The following WAC variants were observed in gnomAD, a reference collection of about 807,000 sequenced individuals.
WAC encodes WW domain-containing adapter protein with coiled-coil.
Under a neutral mutation model 79.6 loss-of-function variants are expected in WAC, and 11 were observed. The observed-to-expected ratio is 0.14, with a 90% CI of 0.09 to 0.23. The LOEUF is 0.23. WAC is among the 10% of genes least tolerant of loss of function. The pLI is 1.00. For missense variants in WAC, 728 were observed against 773.5 expected (o/e 0.94, Z 0.70); for synonymous variants, 304 against 276.9 (o/e 1.10, Z -0.97).
At chr10:28,581,238 CTTTTTTT>C (rs71391053) in intron 3 of WAC, among the ~76,000 whole-genome samples, 36,773 of 66,118 alleles carry the variant, frequency 0.56, 8,434 homozygotes, top group Admixed American at 0.68. Flanking sequence ...ATGAGCGATT[CTTTTTTT>C]TTTTTTTTTT....
chr10:28,541,243 T>G (rs1278699382), intron 3 of WAC, among the ~76,000 whole-genome samples: 1 of 152,104 alleles, frequency 6.6e-6, no homozygotes, highest in African/African-American at 2.4e-5. Context: ...TCTGTTACCT[T>G]ATTCTGTTGT....
chr10:28,546,468 C>T (rs1837353311), intron 3 of WAC, among the ~76,000 whole-genome samples: 1 of 152,154 alleles, frequency 6.6e-6, no homozygotes, highest in African/African-American at 2.4e-5. Flanking sequence ...GTTATTGGGG[C>T]TGGTTTCTGT....
chr10:28,554,159 G>A (rs1433947984), intron 3 of WAC, among the ~76,000 whole-genome samples: 1 of 152,112 alleles, frequency 6.6e-6, no homozygotes, highest in African/African-American at 2.4e-5. Context: ...ATGAACTGCC[G>A]CACCCAGCCT....
At chr10:28,588,698 A>G (rs1358207836) in intron 4 of WAC, 1 of 152,062 alleles carries the variant, frequency 6.6e-6, no homozygotes, top group African/African-American at 2.4e-5. Flanking sequence ...ACATTATTTC[A>G]TTTTTTTAAG....
chr10:28,575,922 CTA>C (rs1029713343), intron 3 of WAC, among the ~76,000 whole-genome samples: 3 of 152,272 alleles, frequency 2.0e-5, no homozygotes, highest in African/African-American at 7.2e-5. Flanking sequence ...TGTACCTTTT[CTA>C]TGTTTAGATA....
chr10:28,616,150 A>G lies in WAC; in HGVS notation c.1557-23A>G, dbSNP rs332176. On this transcript the variant is annotated intron_variant, in intron 11 of 13. Coordinates refer to ENST00000354911, the MANE Select transcript of WAC (RefSeq NM_016628.5). ...CCCAGAAACTACTTTTAAACATACT[A>G]CACATTCAATTCTGTTTTCTAGTAG... 359,405 of 1,555,220 alleles carry G rather than the reference A, an allele frequency of 0.23. 43,890 individuals carry two copies. The highest frequency in any genetic ancestry group is 0.25 in the Non-Finnish European group (291,214 of 1,143,122).
At chr10:28,571,948 A>G (rs1161717585) in intron 3 of WAC, among the ~76,000 whole-genome samples, 1 of 152,198 alleles carries the variant, frequency 6.6e-6, no homozygotes, top group African/African-American at 2.4e-5. Context: ...ACACTAACCT[A>G]TATTTTTTCT....
chr10:28,570,661 C>G (rs1330532084), intron 3 of WAC, among the ~76,000 whole-genome samples: 1 of 152,096 alleles, frequency 6.6e-6, no homozygotes, highest in Non-Finnish European at 1.5e-5. Context: ...CAGGAAGATC[C>G]CTGTCCTCAG....
intron 3 of WAC, among the ~76,000 whole-genome samples, chr10:28,546,789 T>G (rs906568235): frequency 6.6e-6 from 1 of 152,176 alleles, no homozygotes; most frequent in Non-Finnish European, 1.5e-5. Context: ...TTGTTCATAT[T>G]GCATAGGTTT....
intron 7 of WAC, among the ~76,000 whole-genome samples, chr10:28,603,770 TAAAAATAC>T (rs1308911072): frequency 6.6e-6 from 1 of 150,836 alleles, no homozygotes; most frequent in Non-Finnish European, 1.5e-5. Context: ...CCATCTCTAC[TAAAAATAC>T]AAAAAATTAG....
At position 28,533,978 on chromosome 10, in the gene WAC, C is replaced by CT; in HGVS notation, c.42-18dup. 6.2e-7 allele frequency: 1 copy of CT among 1,605,548 alleles called. No homozygotes were observed. Among genetic ancestry groups the CT allele is most frequent in the Non-Finnish European group, 8.5e-7 (1 of 1,176,300 alleles). Reference sequence around the variant, plus strand: ...CCCGCGCCGTGTCTTATGTCGCTGCCTTCTCTTCCTGTTTTTCAGCTGTCA... The same window carrying CT: ...CCCGCGCCGTGTCTTATGTCGCTGCCTTTCTCTTCCTGTTTTTCAGCTGTCA... On this transcript the variant is annotated intron_variant, in intron 1 of 13. Transcript: ENST00000354911.
chr10:28,611,634 C>A (rs947012755), intron 9 of WAC, 140 bp from the exon 10 acceptor site: 65 of 1,256,788 alleles, frequency 5.2e-5, no homozygotes, highest in Non-Finnish European at 6.1e-5. Flanking sequence ...CTGATTTATT[C>A]CAATAAGTGT....
chr10:28,618,001 T>C (rs1207576498), intron 13 of WAC: 96 of 375,582 alleles, frequency 2.6e-4, no homozygotes, highest in Non-Finnish European at 5.5e-5. Context: ...ATTAGACTTT[T>C]CTCATAACTC....
chr10:28,566,093 T>C (rs1260949016), intron 3 of WAC, among the ~76,000 whole-genome samples: 2 of 152,222 alleles, frequency 1.3e-5, no homozygotes, highest in Admixed American at 6.5e-5. Context: ...GAGACTTGAA[T>C]CTTAAAAAGC....
At chr10:28,551,355 A>G (rs1244396904) in intron 3 of WAC, among the ~76,000 whole-genome samples, 1 of 152,234 alleles carries the variant, frequency 6.6e-6, no homozygotes, top group African/African-American at 2.4e-5. Context: ...AAAAGAATGC[A>G]GCTATTACAT....
At chr10:28,537,584 G>A (rs1836750763) in intron 3 of WAC, 1 of 152,108 alleles carries the variant, frequency 6.6e-6, no homozygotes, top group Non-Finnish European at 1.5e-5. Context: ...TCTTTTACAG[G>A]TGAAGTAATC....
intron 3 of WAC, among the ~76,000 whole-genome samples, chr10:28,554,937 T>C (rs1382037726): frequency 6.6e-6 from 1 of 152,162 alleles, no homozygotes; most frequent in Non-Finnish European, 1.5e-5. Context: ...ACTTCCTCTG[T>C]CCTCTCAACC....
At chr10:28,537,199 G>GGTGTATT (rs953473928) in intron 3 of WAC, among the ~76,000 whole-genome samples, 40 of 152,290 alleles carry the variant, frequency 2.6e-4, no homozygotes, top group African/African-American at 9.4e-4. Flanking sequence ...TTTTGTAACA[G>GGTGTATT]TAGTAGCAGG....
intron 3 of WAC, among the ~76,000 whole-genome samples, chr10:28,543,428 C>T (rs570054502): frequency 6.6e-6 from 1 of 152,284 alleles, no homozygotes; most frequent in African/African-American, 2.4e-5. Flanking sequence ...TCTTTGAAAC[C>T]TAGTGTCTAT....
Sources: gnomAD v4.1 joint callset for allele counts (sites outside exome capture counted in the v4.1 genomes callset) on GRCh38, gnomAD v4.1.1 for gene constraint, MANE v1.5 for transcripts, NCBI Gene and HGNC (gene_info 2026-07-23, HGNC 2026-07-21) for gene names.